Variants in ENTHD1 observed in about 807,000 individuals in gnomAD.
ENTHD1 encodes the protein ENTH domain-containing protein 1.
ENTHD1 carries 23 observed loss-of-function variants against 39.1 expected under a neutral mutation model. The observed-to-expected ratio is 0.59, with a 90% CI of 0.42 to 0.83. ENTHD1 has a LOEUF of 0.83. Ranked by LOEUF, ENTHD1 falls within the 40% of genes least tolerant of loss-of-function variation. The pLI, the probability that ENTHD1 is intolerant of heterozygous loss-of-function variation, is 0.00. For missense variants in ENTHD1, 624 were observed against 705.4 expected (o/e 0.88, Z 1.31); for synonymous variants, 230 against 258.2 (o/e 0.89, Z 1.05).
Position 39,811,879 on chromosome 22 carries a change from T to G in ENTHD1, c.832+9114A>C, listed in dbSNP as rs553821365. On this transcript the variant is annotated intron_variant, in intron 5 of 6. Transcript: ENST00000325157. Reference sequence around the variant, plus strand: ...CTGTAGTCCCAGCTACTCGGGAGGCTGAGGCAGGAGGATGCTGTGAACCCG... The same window carrying G: ...CTGTAGTCCCAGCTACTCGGGAGGCGGAGGCAGGAGGATGCTGTGAACCCG... Among the ~76,000 whole-genome samples, 339 of 152,108 alleles carry G rather than the reference T, an allele frequency of 2.2e-3. 3 individuals are homozygous for G. Among genetic ancestry groups the G allele is most frequent in the African/African-American group, 7.8e-3 (322 of 41,470 alleles).
intron 5 of ENTHD1, among the ~76,000 whole-genome samples, chr22:39,818,507 C>G (rs2065751104): frequency 6.6e-6 from 1 of 152,200 alleles, no homozygotes; most frequent in Non-Finnish European, 1.5e-5. Flanking sequence ...TGGAATGTCA[C>G]AGGGCATTGT....
chr22:39,751,554 A>G (rs372243642), intron 6 of ENTHD1, among the ~76,000 whole-genome samples: 1 of 152,236 alleles, frequency 6.6e-6, no homozygotes, highest in Non-Finnish European at 1.5e-5. Flanking sequence ...AGCTGAACAC[A>G]TACTTTGAAT....
At chr22:39,836,883 T>C (rs1230463376) in intron 3 of ENTHD1, among the ~76,000 whole-genome samples, 1 of 152,188 alleles carries the variant, frequency 6.6e-6, no homozygotes, top group South Asian at 2.1e-4. Context: ...TCCGCTATGA[T>C]TGTAAGTTTC....
At chr22:39,762,506 C>T (rs2146551105) in intron 6 of ENTHD1, among the ~76,000 whole-genome samples, 1 of 152,142 alleles carries the variant, frequency 6.6e-6, no homozygotes, top group African/African-American at 2.4e-5. Context: ...GGCTAAAGCG[C>T]AGTGGCATGA....
At chr22:39,791,121 T>C (rs2065500045) in intron 5 of ENTHD1, among the ~76,000 whole-genome samples, 1 of 150,614 alleles carries the variant, frequency 6.6e-6, no homozygotes, top group Non-Finnish European at 1.5e-5. Flanking sequence ...AATCCCATTT[T>C]AATATCCTAA....
intron 5 of ENTHD1, among the ~76,000 whole-genome samples, chr22:39,779,813 T>C (rs2065394110): frequency 1.3e-5 from 2 of 152,214 alleles, no homozygotes; most frequent in African/African-American, 4.8e-5. Context: ...TTTTCATTTT[T>C]TCTTTGTTTC....
chr22:39,852,746 G>A (rs1014155158), intron 3 of ENTHD1, among the ~76,000 whole-genome samples: 32 of 152,256 alleles, frequency 2.1e-4, no homozygotes, highest in African/African-American at 7.7e-4. Flanking sequence ...CATAGAAAAG[G>A]TACAGTAAAA....
intron 5 of ENTHD1, among the ~76,000 whole-genome samples, chr22:39,802,048 C>T (rs976330497): frequency 6.6e-6 from 1 of 152,100 alleles, no homozygotes; most frequent in African/African-American, 2.4e-5. Flanking sequence ...ATAGCCAACT[C>T]AAATGTAACA....
chr22:39,750,625 G>A (rs2065140594), intron 6 of ENTHD1: 1 of 152,654 alleles, frequency 6.6e-6, no homozygotes, highest in African/African-American at 2.4e-5. Flanking sequence ...CTTGAATGAT[G>A]GGCCCATTAG....
intron 6 of ENTHD1, among the ~76,000 whole-genome samples, chr22:39,749,798 G>A (rs1187763160): frequency 1.3e-5 from 2 of 152,204 alleles, no homozygotes; most frequent in Non-Finnish European, 2.9e-5. Context: ...ACAGGAGGAG[G>A]CAACCATGCC....
At chr22:39,821,411 A>C (rs2065782500) in intron 4 of ENTHD1, among the ~76,000 whole-genome samples, 1 of 152,198 alleles carries the variant, frequency 6.6e-6, no homozygotes, top group Admixed American at 6.5e-5. Flanking sequence ...CTCAGAGGCC[A>C]ATTATCTTGT....
At chr22:39,826,705 G>A (rs1037465953) in intron 4 of ENTHD1, among the ~76,000 whole-genome samples, 2 of 152,060 alleles carry the variant, frequency 1.3e-5, no homozygotes, top group South Asian at 4.1e-4. Flanking sequence ...TTGATTGATT[G>A]TAAAAATTTG....
At chr22:39,860,938 C>T (rs1301726252) in intron 3 of ENTHD1, among the ~76,000 whole-genome samples, 4 of 152,036 alleles carry the variant, frequency 2.6e-5, no homozygotes, top group Non-Finnish European at 5.9e-5. Context: ...GTTCAGTAGT[C>T]CATATTTAAA....
intron 5 of ENTHD1, among the ~76,000 whole-genome samples, chr22:39,770,265 C>A (rs2065311238): frequency 6.6e-6 from 1 of 152,088 alleles, no homozygotes; most frequent in African/African-American, 2.4e-5. Flanking sequence ...ACAAGAGGTG[C>A]TAGAGGGAGA....
chr22:39,851,522 A>G (rs2066039377), intron 3 of ENTHD1, among the ~76,000 whole-genome samples: 1 of 152,160 alleles, frequency 6.6e-6, no homozygotes, highest in South Asian at 2.1e-4. Flanking sequence ...TTTTGGTGAT[A>G]TTGGATTTTG....
rs2066192436 is a variant in ENTHD1, at chr22:39,867,386, G to A, written c.350-5379C>T. ...TCTTAATACTCCTGTCTCTATTCCTGACCTACTGCCCTACCAAAATCTACT... is the reference window on the plus strand; with the variant it reads ...TCTTAATACTCCTGTCTCTATTCCTAACCTACTGCCCTACCAAAATCTACT... On this transcript the variant is annotated intron_variant, in intron 2 of 6. Coordinates refer to ENST00000325157, the MANE Select transcript of ENTHD1 (RefSeq NM_152512.4). The surrounding 1 kb of genome is among the most constrained non-coding windows in gnomAD (Gnocchi z 4.5). Among the ~76,000 whole-genome samples, 1 of 151,338 alleles carries A rather than the reference G, an allele frequency of 6.6e-6. No individual in the cohort carries two copies. The highest frequency in any genetic ancestry group is 6.6e-5 in the Admixed American group (1 of 15,178).
intron 3 of ENTHD1, among the ~76,000 whole-genome samples, chr22:39,855,169 C>T (rs1601644261): frequency 6.6e-6 from 1 of 152,170 alleles, no homozygotes; most frequent in Admixed American, 6.5e-5. Context: ...GAATTATCTT[C>T]CACAAATAGC....
intron 4 of ENTHD1, among the ~76,000 whole-genome samples, chr22:39,825,115 C>T (rs2065816674): frequency 6.6e-6 from 1 of 152,166 alleles, no homozygotes; most frequent in African/African-American, 2.4e-5. Context: ...TAATTCTCAA[C>T]ATATGGACTC....
At chr22:39,765,729 T>C (rs577194120) in intron 5 of ENTHD1, 120 bp from the exon 6 acceptor site, 194 of 1,022,104 alleles carry the variant, frequency 1.9e-4, no homozygotes, top group Non-Finnish European at 2.5e-4. Context: ...CTTTCCTATT[T>C]AGCCCTCTGC....
Sources: allele counts gnomAD v4.1 joint callset (sites outside exome capture counted in the v4.1 genomes callset), GRCh38; gene constraint gnomAD v4.1.1; non-coding constraint Gnocchi (gnomAD v3.1); transcripts MANE v1.5; gene names NCBI Gene and HGNC (gene_info 2026-07-23, HGNC 2026-07-21).